The following HIVEP1 variants were observed in gnomAD, a reference collection of about 807,000 sequenced individuals.
HIVEP1 encodes HIVEP zinc finger 1, also known as zinc finger protein 40.
HIVEP1 carries 36 observed loss-of-function variants against 180.0 expected under a neutral mutation model. That is an observed-to-expected ratio of 0.20 (90% CI 0.15 to 0.26). The LOEUF is 0.26. HIVEP1 is among the 10% of genes least tolerant of loss of function. The probability of loss-of-function intolerance (pLI) is 1.00; values close to 1 mark genes in which losing one functional copy is unlikely to be tolerated. For missense variants in HIVEP1, 3,143 were observed against 3,268.7 expected (o/e 0.96, Z 0.94); for synonymous variants, 1,239 against 1,239.0 (o/e 1.00, Z 0.00).
At chr6:12,180,987 G>T in the HIVEP1 span, among the ~76,000 whole-genome samples, 1 of 152,168 alleles carries the variant, frequency 6.6e-6, no homozygotes, top group Non-Finnish European at 1.5e-5. Context: ...CATCTGTCAG[G>T]GTAAGACCTC....
At chr6:12,176,255 C>T in the HIVEP1 span, among the ~76,000 whole-genome samples, 3 of 97,774 alleles carry the variant, frequency 3.1e-5, no homozygotes, top group Non-Finnish European at 6.0e-5. Flanking sequence ...TTTTTTGAAA[C>T]GAAGTCTCGC....
At chr6:12,094,103 A>G (rs1010919708) in intron 3 of HIVEP1, among the ~76,000 whole-genome samples, 9 of 151,882 alleles carry the variant, frequency 5.9e-5, no homozygotes, top group Admixed American at 5.2e-4. Context: ...ATTTCTTAGA[A>G]TTTGGTGTTT....
upstream of HIVEP1, chr6:12,012,228 GCCCCCGCCCGCGCGCCCCGCGCTCCCC>G: frequency 7.2e-6 from 1 of 139,534 alleles, no homozygotes; most frequent in East Asian, 2.1e-4. Context: ...GGCGGCTGCG[GCCCCCGCCCGCGCGCCCCGCGCTCCCC>G]CCCCCGCCCC....
intron 2 of HIVEP1, chr6:12,037,732 G>A: frequency 2.4e-6 from 1 of 418,012 alleles, no homozygotes. Context: ...GTAGGGTCTT[G>A]CTCTTTTGCT....
the HIVEP1 span, among the ~76,000 whole-genome samples, chr6:12,209,349 C>T: frequency 6.6e-6 from 1 of 152,152 alleles, no homozygotes; most frequent in South Asian, 2.1e-4. Flanking sequence ...AGGAGAATGG[C>T]GTGAACCCGG....
At chr6:12,181,891 A>G in the HIVEP1 span, among the ~76,000 whole-genome samples, 1 of 152,188 alleles carries the variant, frequency 6.6e-6, no homozygotes, top group Non-Finnish European at 1.5e-5. Context: ...TTTGATCATA[A>G]TAATGCATTT....
the HIVEP1 span, among the ~76,000 whole-genome samples, chr6:12,187,374 G>C: frequency 6.6e-6 from 1 of 152,066 alleles, no homozygotes; most frequent in Admixed American, 6.6e-5. Flanking sequence ...GTGGGGTGGT[G>C]AGTGAGTTCT....
At chr6:12,009,781 G>A (rs578137475), upstream of HIVEP1, among the ~76,000 whole-genome samples, 9 of 152,320 alleles carry the variant, frequency 5.9e-5, no homozygotes, top group East Asian at 1.7e-3. Context: ...ATTCTGTATT[G>A]TATATATTTC....
rs1241631431 is a variant in HIVEP1, at chr6:12,015,573, T to A, written c.-56T>A. 18 of 1,464,918 alleles carry A rather than the reference T, an allele frequency of 1.2e-5. No individual in the cohort carries two copies. The Admixed American group carries it at 3.0e-4, about 25-fold the overall frequency. 90.7% of individuals were successfully genotyped at this position (1,464,918 alleles called of 1,614,324 possible). On this transcript the variant is annotated 5_prime_UTR_variant, in exon 2 of 9. Transcript: ENST00000379388. ...TTGAGTTTATGGAGCTGCCTTTTGGTGGCTTGCTTTATCTGCAGTTTTTAA... is the reference window on the plus strand; with the variant it reads ...TTGAGTTTATGGAGCTGCCTTTTGGAGGCTTGCTTTATCTGCAGTTTTTAA...
At position 12,096,477 on chromosome 6, in the gene HIVEP1, T is replaced by G. The variant is rs377048664; in HGVS notation, c.94+7240T>G. 3.3e-5 allele frequency among the ~76,000 whole-genome samples: 5 copies of G among 151,828 alleles called. No individual in the cohort carries two copies. In the South Asian group the frequency reaches 6.2e-4, roughly 19 times the overall value. On this transcript the variant is annotated intron_variant, in intron 3 of 8. Coordinates refer to ENST00000379388, the MANE Select transcript of HIVEP1 (RefSeq NM_002114.4). The stretch of plus-strand genomic sequence containing the variant: ...ATTGGATCATGAACTCTAATTGGTG[T>G]GTCAGTAAAAATGCTAGTTTCTCGC...
chr6:12,042,382 C>CGTT (rs1769828682), intron 2 of HIVEP1, among the ~76,000 whole-genome samples: 1 of 133,410 alleles, frequency 7.5e-6, no homozygotes, highest in African/African-American at 2.7e-5. Context: ...CACCCGGCCG[C>CGTT]TTTTTTTTTT....
intron 2 of HIVEP1, among the ~76,000 whole-genome samples, chr6:12,041,096 GCTCT>G (rs945313505): frequency 5.9e-5 from 9 of 152,134 alleles, no homozygotes; most frequent in Admixed American, 2.0e-4. Context: ...TTGACAGTTT[GCTCT>G]CTCTCCTGCA....
At chr6:12,182,905 C>T in the HIVEP1 span, among the ~76,000 whole-genome samples, 2 of 152,134 alleles carry the variant, frequency 1.3e-5, no homozygotes, top group Non-Finnish European at 2.9e-5. Flanking sequence ...GATGTGGCGT[C>T]CAATCACATG....
the HIVEP1 span, among the ~76,000 whole-genome samples, chr6:12,179,715 GT>G: frequency 6.6e-6 from 1 of 152,096 alleles, no homozygotes; most frequent in East Asian, 1.9e-4. Flanking sequence ...TACAAGTAAT[GT>G]TTTTTTAAAA....
chr6:12,131,705 A>G (rs570150151), intron 6 of HIVEP1, among the ~76,000 whole-genome samples: 1 of 145,298 alleles, frequency 6.9e-6, no homozygotes, highest in African/African-American at 2.5e-5. Context: ...TTAATTTTAT[A>G]TGCCACTCTC....
At chr6:12,206,218 C>T in the HIVEP1 span, among the ~76,000 whole-genome samples, 4 of 152,170 alleles carry the variant, frequency 2.6e-5, no homozygotes, top group African/African-American at 9.7e-5. Flanking sequence ...ACTGCAACCT[C>T]CACCTCCTGA....
At position 12,123,902 on chromosome 6, in the gene HIVEP1, A is replaced by C. The variant is rs764102617; in HGVS notation, c.4107A>C (p.Glu1369Asp). The C allele has an allele frequency of 1.2e-6, 2 of 1,614,190 alleles. No homozygotes were observed. The highest frequency in any genetic ancestry group is 3.3e-5 in the Admixed American group (2 of 60,028). ...GGGAAATGAGGCGTACTGCATCAGA[A>C]CAGATTAATTGCACGCAAACGTCAA... Reference protein sequence around the residue: ...CHREMRRTASEQINCTQTSME... With the variant: ...CHREMRRTASDQINCTQTSME... Residue 1369 changes from glutamate (E) to aspartate (D), a missense_variant, in exon 4 of 9, where the codon GAA (glutamate) becomes GAC (aspartate). Transcript: ENST00000379388.
chr6:12,014,656 G>A (rs1275999457), intron 1 of HIVEP1, among the ~76,000 whole-genome samples: 3 of 152,210 alleles, frequency 2.0e-5, no homozygotes, highest in Non-Finnish European at 4.4e-5. Context: ...AGATCCTTGA[G>A]AATCTTGTGG....
Position 12,163,599 on chromosome 6 carries a change from G to C in HIVEP1, c.7295G>C (p.Ser2432Thr). ...GTGCAGCTCACGATCCCTGCTGTCA[G>C]TGTCGTTCACAGAACTTTGGGTACT... The part of the protein sequence containing the change: ...GPVQLTIPAV[S>T]VVHRTLGTHR... The change falls in exon 9 of 9, where the codon AGT becomes ACT. Residue 2432 changes from serine to threonine, a missense_variant. Coordinates refer to ENST00000379388, the MANE Select transcript of HIVEP1 (RefSeq NM_002114.4). The C allele has an allele frequency of 6.2e-6, 10 of 1,614,212 alleles. No homozygotes were observed. Among genetic ancestry groups the C allele is most frequent in the Non-Finnish European group, 8.5e-6 (10 of 1,180,038 alleles).
Sources: allele counts gnomAD v4.1 joint callset (sites outside exome capture counted in the v4.1 genomes callset), GRCh38; gene constraint gnomAD v4.1.1; transcripts MANE v1.5; gene names NCBI Gene and HGNC (gene_info 2026-07-23, HGNC 2026-07-21).